Variants in PKHD1L1 observed in about 807,000 individuals in gnomAD.
The protein encoded by PKHD1L1 is PKHD1 like 1.
Under a neutral mutation model 462.9 loss-of-function variants are expected in PKHD1L1, and 434 were observed. The ratio of observed to expected loss-of-function variants is 0.94; its 90% CI spans 0.87 to 1.02. The LOEUF (loss-of-function observed/expected upper bound fraction) is 1.02, where lower values mean the gene tolerates loss of function less well. Ranked by LOEUF, PKHD1L1 falls within the 50% of genes least tolerant of loss-of-function variation. The pLI, the probability that PKHD1L1 is intolerant of heterozygous loss-of-function variation, is 0.00. For synonymous variants in PKHD1L1, 1,781 were observed against 1,750.0 expected, an observed-to-expected ratio of 1.02 and a Z score of -0.44; for missense variants, 5,202 against 5,096.1, an observed-to-expected ratio of 1.02 and a Z score of -0.63.
At chr8:109,517,324 C>G (rs529651251) in intron 72 of PKHD1L1, among the ~76,000 whole-genome samples, 9 of 152,230 alleles carry the variant, frequency 5.9e-5, no homozygotes, top group African/African-American at 2.2e-4. Context: ...ATCTTTGTCT[C>G]TGCTCCTTTC....
chr8:109,408,345 C>T, intron 18 of PKHD1L1, 139 bp downstream of exon 18: 1 of 777,138 alleles, frequency 1.3e-6, no homozygotes, highest in Non-Finnish European at 1.9e-6. Flanking sequence ...ATCAACTCAC[C>T]ACAATTTATA....
chr8:109,492,391 C>T (rs1013024968), intron 62 of PKHD1L1, among the ~76,000 whole-genome samples: 3 of 151,766 alleles, frequency 2.0e-5, no homozygotes, highest in Non-Finnish European at 2.9e-5. Context: ...TAATTGGAAC[C>T]TTCTTGTTTC....
rs1279792458 is a variant in PKHD1L1 at position 109,405,003 on chromosome 8, A to G, written c.1542A>G (p.Thr514=). 1 of 1,501,976 alleles carries G rather than the reference A, an allele frequency of 6.7e-7. No homozygotes were observed. The highest frequency in any genetic ancestry group is 8.9e-7 in the Non-Finnish European group (1 of 1,118,596). The allele number at this position is 1,501,976 out of a possible 1,614,324, so 93.0% of individuals were successfully genotyped here. Residue 514 remains threonine (T), a synonymous_variant, in exon 16 of 78, where the codon ACA becomes ACG. Transcript: ENST00000378402. ...TCTTAATTGGAAAATAGGTTATAAC[A>G]TTGGAAAACTGGGAAACAACTAATG... The part of the protein sequence containing the change: ...STILQEVQVI[T]LENWETTNAI...
chr8:109,500,886 C>T (rs560528768), intron 67 of PKHD1L1, among the ~76,000 whole-genome samples: 21 of 152,088 alleles, frequency 1.4e-4, no homozygotes, highest in African/African-American at 4.1e-4. Flanking sequence ...CTTTGTCTGA[C>T]GAGAAGCCTG....
Position 109,459,621 on chromosome 8 carries a change from T to C in PKHD1L1, c.7031T>C (p.Met2344Thr), listed in dbSNP as rs760128073. The C allele has an allele frequency of 6.4e-7, 1 of 1,573,558 alleles. No homozygotes were observed. Among genetic ancestry groups the C allele is most frequent in the South Asian group, 1.2e-5 (1 of 84,844 alleles). ...CACAGTCAAGGAGAGAATGAAAAAA[T>C]GACCATTGCATCTGTGTCTGCTGAT... ...HRHSQGENEK[M>T]TIASVSADGI... The change falls in exon 47 of 78, where the codon ATG (methionine) becomes ACG (threonine). Residue 2344 changes from methionine (M) to threonine (T), a missense_variant. Around this residue, in one of 3 missense-constraint regions of PKHD1L1, gnomAD observed 4,497 missense variants for 4,336.8 expected, o/e 1.04. Transcript: ENST00000378402.
At chr8:109,394,116 G>T (rs1812838691) in intron 9 of PKHD1L1, among the ~76,000 whole-genome samples, 1 of 142,288 alleles carries the variant, frequency 7.0e-6, no homozygotes, top group South Asian at 2.2e-4. Context: ...AAAGGTTGCA[G>T]TGAGCCAGGA....
chr8:109,474,679 A>T (rs1388901604), intron 50 of PKHD1L1, among the ~76,000 whole-genome samples: 1 of 152,126 alleles, frequency 6.6e-6, no homozygotes, highest in East Asian at 1.9e-4. Flanking sequence ...TATATTCTAC[A>T]TCAAGGATTC....
chr8:109,493,080 C>T (rs539123290), intron 62 of PKHD1L1, among the ~76,000 whole-genome samples: 18 of 150,660 alleles, frequency 1.2e-4, no homozygotes, highest in South Asian at 6.3e-4. Context: ...ACCTGTAATC[C>T]TAGCTACTTG....
At chr8:109,400,661 A>G (rs1319036651) in intron 13 of PKHD1L1, among the ~76,000 whole-genome samples, 1 of 152,124 alleles carries the variant, frequency 6.6e-6, no homozygotes, top group Non-Finnish European at 1.5e-5. Flanking sequence ...TTCACATATT[A>G]GTATTAAATA....
chr8:109,431,947 C>T (rs1452257472), intron 27 of PKHD1L1, among the ~76,000 whole-genome samples: 5 of 152,036 alleles, frequency 3.3e-5, no homozygotes, highest in African/African-American at 1.2e-4. Context: ...AGCAACATAT[C>T]CCCTACATCC....
Position 109,491,961 on chromosome 8 carries a change from T to C in PKHD1L1, c.10203T>C (p.Asp3401=). 6.3e-7 allele frequency: 1 copy of C among 1,582,728 alleles called. No homozygotes were observed. The highest frequency in any genetic ancestry group is 8.6e-7 in the Non-Finnish European group (1 of 1,161,058). ...CAGGAACCTATCAGAACAGAAAAGA[T>C]TTAAGTTCAACTCTCTGGCATGCAG... ...VWPGTYQNRK[D]LSSTLWHAAI... is the part of the protein sequence containing the mutation. The change falls in exon 62 of 78, where the codon GAT becomes GAC. Residue 3401 remains aspartate, a synonymous_variant. Coordinates refer to ENST00000378402, the MANE Select transcript of PKHD1L1 (RefSeq NM_177531.6).
Position 109,443,821 on chromosome 8 carries a change from C to G in PKHD1L1, c.4710C>G (p.Asn1570Lys). 1 of 1,613,818 alleles carries G rather than the reference C, an allele frequency of 6.2e-7. No homozygotes were observed. The highest frequency in any genetic ancestry group is 8.5e-7 in the Non-Finnish European group (1 of 1,179,788). ...VSSCFSPSIS[N>K]ITPSTGTVNE... The stretch of plus-strand genomic sequence containing the variant: ...GTTGTTTTTCACCATCTATAAGCAA[C>G]ATTACTCCGTCCACTGGAACAGTAA... The change falls in exon 37 of 78, where the codon AAC becomes AAG. Residue 1570 changes from asparagine to lysine, a missense_variant. This residue lies in a region of PKHD1L1 where 4,497 missense variants were observed against 4,336.8 expected (regional missense o/e 1.04). Coordinates refer to ENST00000378402, the MANE Select transcript of PKHD1L1 (RefSeq NM_177531.6).
Position 109,527,004 on chromosome 8 carries a change from T to C in PKHD1L1, c.12705T>C (p.Thr4235=). 1 of 1,609,862 alleles carries C rather than the reference T, an allele frequency of 6.2e-7. No homozygotes were observed. The highest frequency in any genetic ancestry group is 8.5e-7 in the Non-Finnish European group (1 of 1,176,512). Residue 4235 remains threonine, a synonymous_variant, in exon 77 of 78, where the codon ACT becomes ACC. Coordinates refer to ENST00000378402, the MANE Select transcript of PKHD1L1 (RefSeq NM_177531.6). ...LLEIFMAAVS[T]LNITLRSY is the part of the protein sequence containing the mutation. Reference sequence around the variant, plus strand: ...AAATATTTATGGCTGCAGTTTCAACTTTGAATATAACTTTAAGTAAGTACA... The same window carrying C: ...AAATATTTATGGCTGCAGTTTCAACCTTGAATATAACTTTAAGTAAGTACA...
In PKHD1L1 at chr8:109,461,755, TA is replaced by T; in HGVS notation, c.7247-12del. The T allele has an allele frequency of 1.3e-6, 2 of 1,598,514 alleles. No individual in the cohort carries two copies. Among genetic ancestry groups the T allele is most frequent in the Non-Finnish European group, 1.7e-6 (2 of 1,172,802 alleles). ...TCCGACAATTTTTTTAATGATGCTT[TA>T]AAAACTGTTTTGAAGGAGAATTTGC... On this transcript the variant is annotated splice_polypyrimidine_tract_variant and intron_variant, in intron 47 of 77. Transcript: ENST00000378402.
chr8:109,409,197 A>G (rs1276143992), intron 18 of PKHD1L1, among the ~76,000 whole-genome samples: 1 of 152,236 alleles, frequency 6.6e-6, no homozygotes, highest in Non-Finnish European at 1.5e-5. Context: ...CATAATCTGC[A>G]ATAATTTATT....
At chr8:109,440,351 G>C (rs1012546794) in intron 32 of PKHD1L1, among the ~76,000 whole-genome samples, 4 of 152,074 alleles carry the variant, frequency 2.6e-5, no homozygotes, top group Non-Finnish European at 4.4e-5. Flanking sequence ...TTTTAAAGCA[G>C]AGCTGCCTTT....
chr8:109,465,003 C>G lies in PKHD1L1; in HGVS notation c.8171C>G (p.Thr2724Arg). The G allele has an allele frequency of 6.2e-7, 1 of 1,613,834 alleles. No individual in the cohort carries two copies. Among genetic ancestry groups the G allele is most frequent in the Non-Finnish European group, 8.5e-7 (1 of 1,179,794 alleles). The change falls in exon 49 of 78, where the codon ACA becomes AGA. Residue 2724 changes from threonine to arginine, a missense_variant. Physicochemically the swap from Thr to Arg is moderately conservative, Grantham distance 71 (BLOSUM62 -1). Around this residue, in one of 3 missense-constraint regions of PKHD1L1, gnomAD observed 4,497 missense variants for 4,336.8 expected, o/e 1.04. Coordinates refer to ENST00000378402, the MANE Select transcript of PKHD1L1 (RefSeq NM_177531.6). ...DELGMGSAFC[T>R]AKGLVLPFSE... Reference sequence around the variant, plus strand: ...CTGGGAATGGGGTCTGCATTTTGCACAGCAAAAGGCCTGGTTCTCCCATTT... The same window carrying G: ...CTGGGAATGGGGTCTGCATTTTGCAGAGCAAAAGGCCTGGTTCTCCCATTT...
At chr8:109,451,259 C>G in intron 41 of PKHD1L1, 110 bp downstream of exon 41, 1 of 1,162,612 alleles carries the variant, frequency 8.6e-7, no homozygotes, top group African/African-American at 1.6e-5. Flanking sequence ...CAATGTGTAC[C>G]TATATGCTCG....
chr8:109,431,609 A>G (rs947664043), intron 27 of PKHD1L1, among the ~76,000 whole-genome samples: 2 of 152,132 alleles, frequency 1.3e-5, no homozygotes, highest in Non-Finnish European at 2.9e-5. Flanking sequence ...GTTATTTTGC[A>G]TATTACTTTT....
Sources: gnomAD v4.1 joint callset for allele counts (sites outside exome capture counted in the v4.1 genomes callset) on GRCh38, gnomAD v4.1.1 for gene constraint, gnomAD v4.1.1 regional missense constraint, MANE v1.5 for transcripts, NCBI Gene and HGNC (gene_info 2026-07-23, HGNC 2026-07-21) for gene names.